Variants in MDGA2 observed in about 807,000 individuals in gnomAD.
The protein encoded by MDGA2 is MAM domain-containing glycosylphosphatidylinositol anchor protein 2.
In MDGA2, 40 loss-of-function variants were observed where a neutral mutation model predicts 117.8. The observed-to-expected ratio is 0.34, with a 90% confidence interval of 0.26 to 0.44. MDGA2 has a LOEUF of 0.44. Ranked by LOEUF, MDGA2 falls within the 20% of genes least tolerant of loss-of-function variation. The pLI is 1.00. For missense variants in MDGA2, 1,123 were observed against 1,250.6 expected (o/e 0.90, Z 1.54); for synonymous variants, 452 against 439.0 (o/e 1.03, Z -0.37).
Position 47,537,573 on chromosome 14 carries a change from T to TAAAAAAAAAAAAAAAAAAAAAAA in MDGA2, c.280+136943_280+136944insTTTTTTTTTTTTTTTTTTTTTTT, listed in dbSNP as rs1566504353. Among the ~76,000 whole-genome samples, 8 of 57,106 alleles carry TAAAAAAAAAAAAAAAAAAAAAAA rather than the reference T, an allele frequency of 1.4e-4. 1 individual carries two copies. Among genetic ancestry groups the TAAAAAAAAAAAAAAAAAAAAAAA allele is most frequent in the Admixed American group, 2.3e-4 (1 of 4,258 alleles). 37.5% of individuals were successfully genotyped at this position (57,106 alleles called of 152,430 possible). A position where few individuals can be genotyped will look rare whatever the true frequency, so the allele number is the denominator to read the frequency against. Reference sequence around the variant, plus strand: ...ATTATCCACTGTTACCTTCTCTCTGTTAAAAAAAAAAAAAAAAAAAAAAAA... The same window carrying TAAAAAAAAAAAAAAAAAAAAAAA: ...ATTATCCACTGTTACCTTCTCTCTGTAAAAAAAAAAAAAAAAAAAAAAATAAAAAAAAAAAAAAAAAAAAAAAA... On this transcript the variant is annotated intron_variant, in intron 1 of 16. Coordinates refer to ENST00000399232, the MANE Select transcript of MDGA2 (RefSeq NM_001113498.3).
intron 10 of MDGA2, among the ~76,000 whole-genome samples, chr14:46,912,830 T>C (rs1294340205): frequency 6.6e-6 from 1 of 152,210 alleles, no homozygotes; most frequent in Non-Finnish European, 1.5e-5. Flanking sequence ...TTACCATTTA[T>C]ATATCCCTTC....
At chr14:47,153,532 A>G (rs1401916827) in intron 3 of MDGA2, among the ~76,000 whole-genome samples, 1 of 152,056 alleles carries the variant, frequency 6.6e-6, no homozygotes, top group Admixed American at 6.6e-5. Flanking sequence ...CTCCAGTTGC[A>G]ATGTACACGA....
chr14:47,298,833 C>T (rs1889173878), intron 2 of MDGA2, among the ~76,000 whole-genome samples: 3 of 151,776 alleles, frequency 2.0e-5, no homozygotes, highest in Non-Finnish European at 2.9e-5. Flanking sequence ...TACAGGCACC[C>T]GCGACCACGT....
At chr14:47,192,621 A>C (rs1480680366) in intron 3 of MDGA2, among the ~76,000 whole-genome samples, 1 of 152,146 alleles carries the variant, frequency 6.6e-6, no homozygotes, top group African/African-American at 2.4e-5. Context: ...CCTGTCTCAA[A>C]AATAAAATAA....
At chr14:47,038,777 A>G (rs1031404710) in intron 7 of MDGA2, among the ~76,000 whole-genome samples, 2 of 150,712 alleles carry the variant, frequency 1.3e-5, no homozygotes, top group Non-Finnish European at 3.0e-5. Context: ...TCTACTAAAA[A>G]TACAAAAAAA....
chr14:47,073,755 A>G (rs943454618), intron 6 of MDGA2, among the ~76,000 whole-genome samples: 1 of 152,200 alleles, frequency 6.6e-6, no homozygotes, highest in Admixed American at 6.5e-5. Context: ...AGGTCATTCC[A>G]GAGAGTGGCA....
At chr14:47,406,552 C>A (rs949119709) in intron 1 of MDGA2, among the ~76,000 whole-genome samples, 1 of 151,904 alleles carries the variant, frequency 6.6e-6, no homozygotes, top group African/African-American at 2.4e-5. Context: ...GTATTTACAT[C>A]CTATTAATTT....
chr14:47,088,092 A>T (rs559388398), intron 6 of MDGA2, among the ~76,000 whole-genome samples: 9 of 152,156 alleles, frequency 5.9e-5, no homozygotes, highest in South Asian at 2.1e-4. Flanking sequence ...TATCTAGACA[A>T]AATTTTTTAT....
chr14:47,507,631 T>C (rs915058315), intron 1 of MDGA2, among the ~76,000 whole-genome samples: 37 of 152,324 alleles, frequency 2.4e-4, no homozygotes, highest in African/African-American at 6.7e-4. Context: ...AGGTTTTGAA[T>C]AGTGATTTCA....
intron 1 of MDGA2, among the ~76,000 whole-genome samples, chr14:47,580,979 C>T (rs956014341): frequency 6.6e-5 from 10 of 152,006 alleles, no homozygotes; most frequent in Admixed American, 3.9e-4. Context: ...GTTTGAATAG[C>T]TCAACCACAC....
chr14:47,067,973 G>T (rs1167579400), intron 6 of MDGA2, among the ~76,000 whole-genome samples: 1 of 151,994 alleles, frequency 6.6e-6, no homozygotes, highest in Admixed American at 6.6e-5. Context: ...AGTCTGAATG[G>T]AAGTTCATTA....
intron 7 of MDGA2, among the ~76,000 whole-genome samples, chr14:47,047,309 G>T (rs1475755535): frequency 2.0e-5 from 3 of 151,996 alleles, no homozygotes; most frequent in Non-Finnish European, 4.4e-5. Flanking sequence ...TGTAACCTTG[G>T]CAAAGGGATT....
At chr14:46,854,892 C>G in intron 15 of MDGA2, 132 bp downstream of exon 15, 2 of 764,780 alleles carry the variant, frequency 2.6e-6, no homozygotes, top group Non-Finnish European at 3.8e-6. Flanking sequence ...TAAAGCAAAA[C>G]CTAATCATAT....
chr14:47,033,500 C>A (rs1489473166), intron 8 of MDGA2, among the ~76,000 whole-genome samples: 3 of 152,174 alleles, frequency 2.0e-5, no homozygotes, highest in African/African-American at 7.2e-5. Context: ...TTAAGGGTAT[C>A]TCATTTTTTA....
At chr14:47,357,420 G>A (rs1891019524) in intron 1 of MDGA2, among the ~76,000 whole-genome samples, 1 of 152,206 alleles carries the variant, frequency 6.6e-6, no homozygotes, top group Admixed American at 6.5e-5. Flanking sequence ...TCACTAGACA[G>A]TGTAGGGTTG....
At chr14:47,480,730 T>C (rs1013816148) in intron 1 of MDGA2, among the ~76,000 whole-genome samples, 6 of 152,120 alleles carry the variant, frequency 3.9e-5, no homozygotes, top group African/African-American at 1.4e-4. Flanking sequence ...TAGTGGCTTC[T>C]GAAACCTAGC....
In MDGA2 at chr14:47,561,153, G is replaced by GGTTTTTTTTTTTTTTT. The variant is rs1895797132; in HGVS notation, c.280+113363_280+113364insAAAAAAAAAAAAAAAC. 5.5e-4 allele frequency among the ~76,000 whole-genome samples: 35 copies of GGTTTTTTTTTTTTTTT among 63,878 alleles called. 3 individuals are homozygous for GGTTTTTTTTTTTTTTT. The highest frequency in any genetic ancestry group is 5.1e-3 in the South Asian group (5 of 982). 41.9% of individuals were successfully genotyped at this position (63,878 alleles called of 152,430 possible). On this transcript the variant is annotated intron_variant, in intron 1 of 16. Coordinates refer to ENST00000399232, the MANE Select transcript of MDGA2 (RefSeq NM_001113498.3). ...TACCTCTATCTTTGTTTTTTTTTTT[G>GGTTTTTTTTTTTTTTT]TTTTGTTTTGTTTTTTTGTTTGTTT... is the stretch of plus-strand genomic sequence containing the variant.
At chr14:47,255,735 C>T (rs921415435) in intron 2 of MDGA2, among the ~76,000 whole-genome samples, 27 of 152,120 alleles carry the variant, frequency 1.8e-4, no homozygotes, top group African/African-American at 6.0e-4. Context: ...CATAGTACCT[C>T]ATATTTTCAC....
At chr14:47,178,815 A>T (rs1474988984) in intron 3 of MDGA2, among the ~76,000 whole-genome samples, 1 of 152,130 alleles carries the variant, frequency 6.6e-6, no homozygotes, top group East Asian at 1.9e-4. Flanking sequence ...GCCTGAAGGA[A>T]TGTAGAGAAG....
Sources: gnomAD v4.1 joint callset for allele counts (sites outside exome capture counted in the v4.1 genomes callset) on GRCh38, gnomAD v4.1.1 for gene constraint, MANE v1.5 for transcripts, NCBI Gene and HGNC (gene_info 2026-07-23, HGNC 2026-07-21) for gene names.